CHD1L: variants seen among roughly 807,000 people sequenced by gnomAD.
CHD1L encodes the protein chromodomain helicase DNA binding protein 1 like, also known as ATP-dependent chromatin remodeler CHD1L.
In CHD1L, 118 loss-of-function variants were observed where a neutral mutation model predicts 115.9. That is an observed-to-expected ratio of 1.02 (90% CI 0.88 to 1.19). CHD1L has a LOEUF of 1.19. Ranked by LOEUF, CHD1L falls within the 50% of genes most tolerant of loss-of-function variation. The pLI is 0.00. For missense variants in CHD1L, 1,179 were observed against 1,065.3 expected (o/e 1.11, Z -1.49); for synonymous variants, 411 against 387.1 (o/e 1.06, Z -0.72).
chr1:147,253,207 G>A lies in CHD1L; in HGVS notation c.240+472G>A, dbSNP rs191696690. 4.6e-5 allele frequency among the ~76,000 whole-genome samples: 7 copies of A among 152,250 alleles called. No individual in the cohort carries two copies. The East Asian group carries it at 9.7e-4, about 21-fold the overall frequency. ...CTGGAAGAGTTTATGTAGAATTGCT[G>A]TTAATTTCTTCCTTAAATTCTTGCT... is the stretch of plus-strand genomic sequence containing the variant. On this transcript the variant is annotated intron_variant, in intron 2 of 22. Transcript: ENST00000369258.
chr1:147,243,521 A>C (rs1326018921), intron 1 of CHD1L, among the ~76,000 whole-genome samples: 1 of 152,052 alleles, frequency 6.6e-6, no homozygotes, highest in Non-Finnish European at 1.5e-5. Context: ...CGAACCTTGC[A>C]TGCCCCCCAG....
At chr1:147,281,520 G>A (rs1680842840) in intron 15 of CHD1L, among the ~76,000 whole-genome samples, 2 of 152,002 alleles carry the variant, frequency 1.3e-5, no homozygotes, top group Non-Finnish European at 1.5e-5. Context: ...TTGGAATTTG[G>A]GCAGCTGGCA....
rs201333837 is a variant in CHD1L at position 147,264,552 on chromosome 1, G to A, written c.707G>A (p.Arg236His). 139 of 1,613,784 alleles carry A rather than the reference G, an allele frequency of 8.6e-5. No homozygotes were observed. The highest frequency in any genetic ancestry group is 1.0e-4 in the Admixed American group (6 of 59,974). Residue 236 changes from arginine to histidine, a missense_variant, in exon 7 of 23, where the codon CGC (arginine) becomes CAC (histidine). Arg to His is a conservative substitution (Grantham distance 29). Coordinates refer to ENST00000369258, the MANE Select transcript of CHD1L (RefSeq NM_004284.6). ...SKEEVGDFIQRYQDIEKESES... is the reference protein window; with the variant it reads ...SKEEVGDFIQHYQDIEKESES... ...GAAGAGGTGGGAGATTTTATTCAAC[G>A]CTACCAGGATATTGAGAAAGAATCT...
rs1001633291 is a variant in CHD1L, at chr1:147,269,445, C to T, written c.1085+567C>T. The stretch of plus-strand genomic sequence containing the variant: ...CAATACTTTGGGAGGCTGAGGTGGG[C>T]GGATCATGAGGTCAAGAGATCGAGA... On this transcript the variant is annotated intron_variant, in intron 10 of 22. Transcript: ENST00000369258. Among the ~76,000 whole-genome samples, 17 of 151,932 alleles carry T rather than the reference C, an allele frequency of 1.1e-4. No homozygotes were observed. The East Asian group carries it at 2.7e-3, about 24-fold the overall frequency.
chr1:147,225,164 T>G, the CHD1L span: 1 of 1,523,156 alleles, frequency 6.6e-7, no homozygotes. Context: ...GTACAAGAGG[T>G]GTCTTGAGGA....
rs1553945126 is a variant in CHD1L at position 147,262,818 on chromosome 1, G to GT, written c.577-1604_577-1603insT. Among the ~76,000 whole-genome samples, 4 of 149,410 alleles carry GT rather than the reference G, an allele frequency of 2.7e-5. No homozygotes were observed. In the East Asian group the frequency reaches 8.0e-4, roughly 30 times the overall value. On this transcript the variant is annotated intron_variant, in intron 6 of 22. Transcript: ENST00000369258. ...ATTATAAAAGCAGTGTCTTCCTATG[G>GT]CCCCCCCTCCAAATCAAAATATAGA...
At chr1:147,252,391 C>T (rs1668682159) in intron 1 of CHD1L, among the ~76,000 whole-genome samples, 1 of 152,158 alleles carries the variant, frequency 6.6e-6, no homozygotes, top group Admixed American at 6.5e-5. Flanking sequence ...AATCAGGTAA[C>T]AATGACAGGC....
chr1:147,291,385 G>A, intron 19 of CHD1L, 97 bp from the exon 20 acceptor site: 1 of 1,081,158 alleles, frequency 9.2e-7, no homozygotes, highest in Non-Finnish European at 1.4e-6. Flanking sequence ...GGTGGGTCCT[G>A]AAACCCAACT....
At chr1:147,230,731 G>C in the CHD1L span, among the ~76,000 whole-genome samples, 183 of 149,354 alleles carry the variant, frequency 1.2e-3, no homozygotes, top group Non-Finnish European at 1.1e-3. Flanking sequence ...TCCCGGTTTA[G>C]TCTTGGGAGG....
chr1:147,193,768 A>T, the CHD1L span, among the ~76,000 whole-genome samples: 1 of 152,138 alleles, frequency 6.6e-6, no homozygotes, highest in African/African-American at 2.4e-5. Flanking sequence ...TTATGTACCC[A>T]GTAGTCATTC....
At chr1:147,187,787 T>G in the CHD1L span, among the ~76,000 whole-genome samples, 1 of 152,102 alleles carries the variant, frequency 6.6e-6, no homozygotes, top group African/African-American at 2.4e-5. Flanking sequence ...ACAAATGAAA[T>G]TATTACACCA....
the CHD1L span, among the ~76,000 whole-genome samples, chr1:147,212,993 T>C: frequency 6.6e-6 from 1 of 152,148 alleles, no homozygotes; most frequent in Non-Finnish European, 1.5e-5. Context: ...TATTTGTGTT[T>C]ACTGCTGAAA....
chr1:147,235,630 T>C, the CHD1L span, among the ~76,000 whole-genome samples: 1 of 152,168 alleles, frequency 6.6e-6, no homozygotes, highest in Non-Finnish European at 1.5e-5. Flanking sequence ...TGCTCATTTT[T>C]CAAAACTAAA....
chr1:147,263,962 C>T (rs1672926860), intron 6 of CHD1L, among the ~76,000 whole-genome samples: 1 of 152,146 alleles, frequency 6.6e-6, no homozygotes, highest in African/African-American at 2.4e-5. Context: ...AGGAAAGTCT[C>T]CTATTATAAA....
At chr1:147,228,894 A>T in the CHD1L span, among the ~76,000 whole-genome samples, 114 of 152,164 alleles carry the variant, frequency 7.5e-4, 1 homozygote, top group Non-Finnish European at 1.1e-3. Context: ...AGTTCATTGT[A>T]GATTCTGGAT....
At chr1:147,288,093 G>A (rs782566061) in intron 19 of CHD1L, among the ~76,000 whole-genome samples, 6 of 152,118 alleles carry the variant, frequency 3.9e-5, no homozygotes, top group Non-Finnish European at 8.8e-5. Context: ...GGGAGGCTGA[G>A]GCAGGAGGAT....
At chr1:147,281,486 G>A (rs1465817966) in intron 15 of CHD1L, among the ~76,000 whole-genome samples, 1 of 152,166 alleles carries the variant, frequency 6.6e-6, no homozygotes, top group African/African-American at 2.4e-5. Context: ...GATCTGTATA[G>A]TTTTTGTGGG....
At chr1:147,236,219 A>G in the CHD1L span, among the ~76,000 whole-genome samples, 2 of 152,150 alleles carry the variant, frequency 1.3e-5, no homozygotes, top group Non-Finnish European at 2.9e-5. Flanking sequence ...AGATGCCAAG[A>G]GCTAAAGAGC....
At chr1:147,238,643 C>T (rs1238376913), upstream of CHD1L, among the ~76,000 whole-genome samples, 1 of 152,136 alleles carries the variant, frequency 6.6e-6, no homozygotes, top group Non-Finnish European at 1.5e-5. Context: ...AAACACTGGA[C>T]CAGCTTCCTA....
Sources: gnomAD v4.1 joint callset for allele counts (sites outside exome capture counted in the v4.1 genomes callset) on GRCh38, gnomAD v4.1.1 for gene constraint, MANE v1.5 for transcripts, NCBI Gene and HGNC (gene_info 2026-07-23, HGNC 2026-07-21) for gene names.